Variants in PRKD1 observed in about 807,000 individuals in gnomAD.
PRKD1 encodes serine/threonine-protein kinase D1.
A neutral mutation model predicts 95.9 loss-of-function variants in PRKD1; 63 were observed. The ratio of observed to expected loss-of-function variants is 0.66; its 90% CI spans 0.54 to 0.81. PRKD1 has a LOEUF of 0.81. PRKD1 is among the 30% of genes least tolerant of loss of function. The pLI is 0.00. For missense variants in PRKD1, 1,048 were observed against 1,165.3 expected (o/e 0.90, Z 1.47); for synonymous variants, 425 against 423.1 (o/e 1.00, Z -0.05).
Position 29,700,980 on chromosome 14 carries a change from G to A in PRKD1, c.403+24556C>T, listed in dbSNP as rs1186839593. On this transcript the variant is annotated intron_variant, in intron 2 of 17. Transcript: ENST00000331968. ...TTTGTGTGTACGCGTGCGCATGCGC[G>A]CGCGCGCGCACACACACACACACAC... Among the ~76,000 whole-genome samples the A allele has an allele frequency of 8.9e-3, 302 of 33,976 alleles. 1 individual carries two copies. The African/African-American group carries it at 0.13, about 14-fold the overall frequency. The allele number at this position is 33,976 out of a possible 152,430, so 22.3% of individuals were successfully genotyped here. A position where few individuals can be genotyped will look rare whatever the true frequency, so the allele number is the denominator to read the frequency against.
intron 2 of PRKD1, among the ~76,000 whole-genome samples, chr14:29,692,702 C>T (rs1476064869): frequency 6.6e-6 from 1 of 152,130 alleles, no homozygotes; most frequent in Non-Finnish European, 1.5e-5. Flanking sequence ...TTCACTAATT[C>T]AGATTACTCT....
At chr14:29,901,391 C>A (rs932606893) in intron 1 of PRKD1, among the ~76,000 whole-genome samples, 1 of 152,180 alleles carries the variant, frequency 6.6e-6, no homozygotes, top group African/African-American at 2.4e-5. Flanking sequence ...GAGTACTATG[C>A]TCACTACCTG....
At chr14:29,583,386 G>C (rs1305902993) in intron 16 of PRKD1, among the ~76,000 whole-genome samples, 1 of 152,026 alleles carries the variant, frequency 6.6e-6, no homozygotes, top group Non-Finnish European at 1.5e-5. Flanking sequence ...TATTTTCTCA[G>C]TTTGAATACC....
At chr14:29,807,798 T>C (rs189676797) in intron 1 of PRKD1, among the ~76,000 whole-genome samples, 32 of 151,964 alleles carry the variant, frequency 2.1e-4, no homozygotes, top group African/African-American at 5.5e-4. Context: ...TTCGGCTCAC[T>C]GAAACCTCCA....
chr14:29,673,856 C>T (rs780919944), intron 2 of PRKD1, among the ~76,000 whole-genome samples: 1 of 152,146 alleles, frequency 6.6e-6, no homozygotes, highest in Non-Finnish European at 1.5e-5. Flanking sequence ...AATATAGTGT[C>T]AGTAGTGATA....
At chr14:29,903,562 A>G (rs1206775149) in intron 1 of PRKD1, among the ~76,000 whole-genome samples, 3 of 152,190 alleles carry the variant, frequency 2.0e-5, no homozygotes, top group Non-Finnish European at 2.9e-5. Context: ...CCAAGCACCT[A>G]AACACATGAT....
intron 1 of PRKD1, among the ~76,000 whole-genome samples, chr14:29,747,820 T>G (rs761910979): frequency 1.3e-5 from 2 of 152,184 alleles, no homozygotes; most frequent in Non-Finnish European, 2.9e-5. Flanking sequence ...CTTGGCTTAC[T>G]GCAACCTCTG....
intron 1 of PRKD1, among the ~76,000 whole-genome samples, chr14:29,781,387 T>G (rs1051497009): frequency 6.6e-6 from 1 of 152,194 alleles, no homozygotes; most frequent in African/African-American, 2.4e-5. Flanking sequence ...GTCCTATCAC[T>G]GACAGTGACA....
intron 13 of PRKD1, among the ~76,000 whole-genome samples, chr14:29,603,047 A>T (rs982944672): frequency 1.3e-5 from 2 of 152,224 alleles, no homozygotes; most frequent in Admixed American, 1.3e-4. Context: ...GGTTAGATAT[A>T]CAAATTTTTA....
At chr14:29,714,958 G>A (rs944529589) in intron 2 of PRKD1, among the ~76,000 whole-genome samples, 1 of 152,038 alleles carries the variant, frequency 6.6e-6, no homozygotes, top group Non-Finnish European at 1.5e-5. Context: ...GGGGCCCGTT[G>A]GGGGATGGAG....
intron 10 of PRKD1, 27 bp from the exon 11 acceptor site, chr14:29,629,120 A>G (rs779011502): frequency 4.4e-6 from 7 of 1,588,322 alleles, no homozygotes; most frequent in African/African-American, 4.1e-5. Flanking sequence ...AACAATATGC[A>G]CACAAAAAGT....
At chr14:29,811,339 T>C (rs534111931) in intron 1 of PRKD1, among the ~76,000 whole-genome samples, 3 of 152,170 alleles carry the variant, frequency 2.0e-5, no homozygotes, top group African/African-American at 7.2e-5. Context: ...CTGAGTTCTC[T>C]CTCCTTCCAG....
At chr14:29,675,055 T>C (rs1883074305) in intron 2 of PRKD1, among the ~76,000 whole-genome samples, 1 of 152,212 alleles carries the variant, frequency 6.6e-6, no homozygotes, top group Admixed American at 6.5e-5. Flanking sequence ...TTCAGCGCTG[T>C]TGGCCAAGGA....
intron 1 of PRKD1, among the ~76,000 whole-genome samples, chr14:29,781,808 A>G (rs1011373576): frequency 1.7e-4 from 26 of 152,240 alleles, no homozygotes; most frequent in African/African-American, 6.3e-4. Context: ...TAACTTGACA[A>G]GAGAAAAAAG....
chr14:29,761,115 C>T (rs558220460), intron 1 of PRKD1, among the ~76,000 whole-genome samples: 2 of 152,262 alleles, frequency 1.3e-5, no homozygotes, highest in South Asian at 2.1e-4. Flanking sequence ...TAATTTTTCA[C>T]TTTTAATTAC....
intron 4 of PRKD1, among the ~76,000 whole-genome samples, chr14:29,654,071 T>G (rs181627517): frequency 6.6e-6 from 1 of 152,188 alleles, no homozygotes; most frequent in Admixed American, 6.5e-5. Flanking sequence ...CTTTTACACT[T>G]TTGAATAACT....
chr14:29,777,413 G>T (rs183542365), intron 1 of PRKD1, among the ~76,000 whole-genome samples: 10 of 152,164 alleles, frequency 6.6e-5, no homozygotes, highest in Admixed American at 1.3e-4. Flanking sequence ...CACGTGCAGA[G>T]ATACACATAG....
intron 2 of PRKD1, among the ~76,000 whole-genome samples, chr14:29,668,904 A>C (rs1323009997): frequency 6.6e-6 from 1 of 152,230 alleles, no homozygotes; most frequent in Non-Finnish European, 1.5e-5. Flanking sequence ...ACTGATACTC[A>C]GAAATTAAGG....
intron 16 of PRKD1, among the ~76,000 whole-genome samples, chr14:29,589,412 G>A (rs1247993945): frequency 6.6e-6 from 1 of 152,136 alleles, no homozygotes. Flanking sequence ...CAGCTGTAGA[G>A]AAGAATCATT....
Sources: gnomAD v4.1 joint callset for allele counts (sites outside exome capture counted in the v4.1 genomes callset) on GRCh38, gnomAD v4.1.1 for gene constraint, MANE v1.5 for transcripts, NCBI Gene and HGNC (gene_info 2026-07-23, HGNC 2026-07-21) for gene names.